Variants in SCHIP1 observed in about 807,000 individuals in gnomAD.
The protein encoded by SCHIP1 is schwannomin-interacting protein 1.
Under a neutral mutation model 29.7 loss-of-function variants are expected in SCHIP1, and 8 were observed. That is an observed-to-expected ratio of 0.27 (90% confidence interval 0.16 to 0.49). SCHIP1 has a LOEUF of 0.49. SCHIP1 is among the 20% of genes least tolerant of loss of function. The pLI is 0.99. For missense variants in SCHIP1, 193 were observed against 294.6 expected, an observed-to-expected ratio of 0.66 and a Z score of 2.52; for synonymous variants, 76 against 94.9, an observed-to-expected ratio of 0.80 and a Z score of 1.16.
the SCHIP1 span, among the ~76,000 whole-genome samples, chr3:159,587,869 T>C: frequency 6.6e-6 from 1 of 152,238 alleles, no homozygotes; most frequent in Non-Finnish European, 1.5e-5. Flanking sequence ...AGTCTATCAT[T>C]GATGGACATT....
intron 2 of SCHIP1, among the ~76,000 whole-genome samples, chr3:159,870,451 T>C (rs914651824): frequency 2.6e-5 from 4 of 152,046 alleles, no homozygotes; most frequent in Non-Finnish European, 4.4e-5. Flanking sequence ...CTGTATCACA[T>C]GCTTTTTCTT....
chr3:159,646,752 G>C, the SCHIP1 span, among the ~76,000 whole-genome samples: 1 of 152,126 alleles, frequency 6.6e-6, no homozygotes, highest in Non-Finnish European at 1.5e-5. Context: ...GTGGCACATA[G>C]GCTCCCAGAA....
intron 1 of SCHIP1, chr3:159,845,771 T>C (rs1371234761): frequency 6.6e-6 from 1 of 152,180 alleles, no homozygotes; most frequent in African/African-American, 2.4e-5. Context: ...TAAATGTTTG[T>C]TGGATTGAAT....
chr3:159,704,884 C>A, the SCHIP1 span, among the ~76,000 whole-genome samples: 2 of 81,484 alleles, frequency 2.5e-5, no homozygotes, highest in African/African-American at 1.6e-4. Flanking sequence ...TTCTTTCTTT[C>A]TTTCTTTCTT....
the SCHIP1 span, among the ~76,000 whole-genome samples, chr3:159,480,527 A>T: frequency 1.3e-5 from 2 of 152,168 alleles, no homozygotes; most frequent in Admixed American, 1.3e-4. Context: ...TATAAAATAT[A>T]ATTTCTTTGG....
At chr3:159,704,799 T>A in the SCHIP1 span, among the ~76,000 whole-genome samples, 1 of 152,290 alleles carries the variant, frequency 6.6e-6, no homozygotes, top group Non-Finnish European at 1.5e-5. Context: ...ACAATTGTAA[T>A]AATACAATAT....
At chr3:159,665,315 A>G in the SCHIP1 span, among the ~76,000 whole-genome samples, 9 of 152,128 alleles carry the variant, frequency 5.9e-5, no homozygotes, top group Non-Finnish European at 2.9e-5. Context: ...TTTTACCTTC[A>G]TTTCGTTTCT....
chr3:159,591,418 G>T, the SCHIP1 span, among the ~76,000 whole-genome samples: 1 of 152,090 alleles, frequency 6.6e-6, no homozygotes. Flanking sequence ...CCATTACTGG[G>T]TATATAACCA....
At chr3:159,797,904 C>A in the SCHIP1 span, among the ~76,000 whole-genome samples, 4 of 152,162 alleles carry the variant, frequency 2.6e-5, no homozygotes, top group Non-Finnish European at 5.9e-5. Context: ...CAGGAAGAGG[C>A]AGCAGAAAAT....
At chr3:159,752,913 G>A in the SCHIP1 span, among the ~76,000 whole-genome samples, 2 of 152,170 alleles carry the variant, frequency 1.3e-5, no homozygotes, top group Admixed American at 1.3e-4. Flanking sequence ...CACAACGTAT[G>A]TAAACATCTA....
chr3:159,785,724 T>C, the SCHIP1 span, among the ~76,000 whole-genome samples: 1 of 152,002 alleles, frequency 6.6e-6, no homozygotes, highest in African/African-American at 2.4e-5. Context: ...AAAAGAAAAA[T>C]ATATTTTTCT....
chr3:159,610,690 G>A, the SCHIP1 span, among the ~76,000 whole-genome samples: 40 of 152,154 alleles, frequency 2.6e-4, no homozygotes, highest in East Asian at 7.6e-3. Context: ...TATCATTAGC[G>A]TGAAATCGTC....
chr3:159,646,143 CT>C, the SCHIP1 span, among the ~76,000 whole-genome samples: 1 of 152,162 alleles, frequency 6.6e-6, no homozygotes, highest in Non-Finnish European at 1.5e-5. Context: ...AAGCTTTACT[CT>C]GATCCATGGG....
At chr3:159,824,295 CTTG>C in the SCHIP1 span, among the ~76,000 whole-genome samples, 1 of 152,176 alleles carries the variant, frequency 6.6e-6, no homozygotes, top group Non-Finnish European at 1.5e-5. Flanking sequence ...TAGAAGTGCT[CTTG>C]TTAATTTTAC....
chr3:159,419,645 C>T, the SCHIP1 span, among the ~76,000 whole-genome samples: 1 of 152,066 alleles, frequency 6.6e-6, no homozygotes. Flanking sequence ...CCCATCTCTA[C>T]TAAAAATGCA....
At chr3:159,755,416 C>A in the SCHIP1 span, among the ~76,000 whole-genome samples, 1 of 152,100 alleles carries the variant, frequency 6.6e-6, no homozygotes, top group East Asian at 1.9e-4. Context: ...TTGTGAGACC[C>A]ATTCACTATC....
the SCHIP1 span, among the ~76,000 whole-genome samples, chr3:159,762,894 G>A: frequency 6.6e-6 from 1 of 152,230 alleles, no homozygotes; most frequent in Admixed American, 6.5e-5. Flanking sequence ...ACCCTCACCT[G>A]ATATCTACCT....
intron 2 of SCHIP1, among the ~76,000 whole-genome samples, chr3:159,879,199 A>G (rs1482108386): frequency 1.3e-5 from 2 of 151,460 alleles, no homozygotes; most frequent in African/African-American, 4.9e-5. Flanking sequence ...TACTTTATCA[A>G]TCTTTTATTA....
chr3:159,545,565 C>T, the SCHIP1 span, among the ~76,000 whole-genome samples: 1 of 149,830 alleles, frequency 6.7e-6, no homozygotes, highest in African/African-American at 2.4e-5. Flanking sequence ...GCTTAATAAA[C>T]TCCCCTTCAT....
Sources: allele counts gnomAD v4.1 joint callset (sites outside exome capture counted in the v4.1 genomes callset), GRCh38; gene constraint gnomAD v4.1.1; transcripts MANE v1.5; gene names NCBI Gene and HGNC (gene_info 2026-07-23, HGNC 2026-07-21).